The following SVOPL variants were observed in gnomAD, a reference collection of about 807,000 sequenced individuals.
SVOPL encodes the protein putative transporter SVOPL.
In SVOPL, 60 loss-of-function variants were observed where a neutral mutation model predicts 61.0. The observed-to-expected ratio is 0.98, with a 90% CI of 0.80 to 1.22. The LOEUF is 1.22. Among genes scored for constraint, SVOPL ranks in the 50% most tolerant of loss-of-function variants. The pLI is 0.00. For missense variants in SVOPL, 662 were observed against 643.9 expected (o/e 1.03, Z -0.30); for synonymous variants, 279 against 250.0 (o/e 1.12, Z -1.09).
chr7:138,641,173 G>A (rs764163317), intron 9 of SVOPL, among the ~76,000 whole-genome samples: 1 of 149,926 alleles, frequency 6.7e-6, no homozygotes, highest in African/African-American at 2.5e-5. Context: ...CACTCCAACC[G>A]AGGTGACAGA....
rs115548384 is a variant in SVOPL, at chr7:138,662,240, T to C, written c.345+834A>G. 2.9e-4 allele frequency: 281 copies of C among 985,480 alleles called. 1 individual carries two copies. In the African/African-American group the frequency reaches 4.5e-3, roughly 16 times the overall value. 61.0% of individuals were successfully genotyped at this position (985,480 alleles called of 1,614,324 possible). A position where few individuals can be genotyped will look rare whatever the true frequency, so the allele number is the denominator to read the frequency against. Reference sequence around the variant, plus strand: ...CTTAATGGTCTTGGCCATCCAGCACTAGTCATTTTACTTTTTCTTGTCCTA... The same window carrying C: ...CTTAATGGTCTTGGCCATCCAGCACCAGTCATTTTACTTTTTCTTGTCCTA... On this transcript the variant is annotated intron_variant, in intron 5 of 15. Coordinates refer to ENST00000674285, the MANE Select transcript of SVOPL (RefSeq NM_001139456.2).
chr7:138,638,272 C>CAAA (rs56000217), intron 9 of SVOPL, among the ~76,000 whole-genome samples: 5,088 of 95,470 alleles, frequency 0.053, 383 homozygotes, highest in African/African-American at 0.2. Context: ...GACTCCACCT[C>CAAA]AAAAAAAAAA....
At chr7:138,677,202 C>T (rs1252924681) in intron 3 of SVOPL, among the ~76,000 whole-genome samples, 3 of 152,156 alleles carry the variant, frequency 2.0e-5, no homozygotes, top group Non-Finnish European at 2.9e-5. Context: ...CTGCGCCCGG[C>T]CTCCTGCTCT....
chr7:138,596,577 T>C (rs1242868748), intron 14 of SVOPL, 47 bp from the exon 15 acceptor site: 1 of 1,591,858 alleles, frequency 6.3e-7, no homozygotes, highest in East Asian at 2.3e-5. Context: ...TCCAGTTACC[T>C]CTAAACTGTT....
intron 3 of SVOPL, among the ~76,000 whole-genome samples, chr7:138,674,086 G>A (rs1473303011): frequency 6.6e-6 from 1 of 151,870 alleles, no homozygotes; most frequent in Admixed American, 6.6e-5. Context: ...TACTCAGGAG[G>A]CTAAGGCAGG....
intron 14 of SVOPL, among the ~76,000 whole-genome samples, chr7:138,605,346 T>A (rs1398385445): frequency 1.3e-5 from 2 of 151,820 alleles, no homozygotes; most frequent in East Asian, 3.9e-4. Flanking sequence ...GAAAAGAAAA[T>A]TTTCCCATGT....
rs1477456716 is a variant in SVOPL, at chr7:138,627,434, T to C, written c.1097A>G (p.Asn366Ser). The C allele has an allele frequency of 1.2e-6, 2 of 1,613,588 alleles. No homozygotes were observed. The highest frequency in any genetic ancestry group is 1.7e-5 in the Admixed American group (1 of 59,976). ...ALNPLNILGI[N>S]FLGRRLSLSI... Reference sequence around the variant, plus strand: ...AAGGCTCAGCCGTCTTCCCAGGAAATTGATGCCCAGTATATTTAAAGGATT... The same window carrying C: ...AAGGCTCAGCCGTCTTCCCAGGAAACTGATGCCCAGTATATTTAAAGGATT... The change falls in exon 12 of 16, where the codon AAT (asparagine) becomes AGT (serine). Residue 366 changes from asparagine (N) to serine (S), a missense_variant. Asn to Ser is a conservative substitution (Grantham distance 46, BLOSUM62 1). Coordinates refer to ENST00000674285, the MANE Select transcript of SVOPL (RefSeq NM_001139456.2).
chr7:138,682,979 A>AAAG (rs1444758172), intron 1 of SVOPL, among the ~76,000 whole-genome samples: 19 of 150,888 alleles, frequency 1.3e-4, no homozygotes, highest in African/African-American at 4.7e-4. Context: ...AAAAAAAAAA[A>AAAG]AAAGAAAAAA....
At chr7:138,597,648 G>A (rs997250136) in intron 14 of SVOPL, among the ~76,000 whole-genome samples, 15 of 149,126 alleles carry the variant, frequency 1.0e-4, no homozygotes, top group Non-Finnish European at 2.0e-4. Flanking sequence ...CTGCGTGTGT[G>A]TGTGTGTGTG....
chr7:138,641,072 G>A lies in SVOPL; in HGVS notation c.789+3645C>T, dbSNP rs147371870. Among the ~76,000 whole-genome samples, 482 of 151,964 alleles carry A rather than the reference G, an allele frequency of 3.2e-3. 3 individuals carry two copies. The highest frequency in any genetic ancestry group is 0.011 in the African/African-American group (461 of 41,448). The stretch of plus-strand genomic sequence containing the variant: ...TTAAAAATTAGCTGGGTATGATGGC[G>A]CACACCTATGGTCCTAGCTATTCTG... On this transcript the variant is annotated intron_variant, in intron 9 of 15. Coordinates refer to ENST00000674285, the MANE Select transcript of SVOPL (RefSeq NM_001139456.2).
chr7:138,624,730 C>G (rs1244601800), intron 13 of SVOPL, among the ~76,000 whole-genome samples: 1 of 148,358 alleles, frequency 6.7e-6, no homozygotes, highest in Non-Finnish European at 1.5e-5. Context: ...CATGGTCTTA[C>G]TTTGCTGCCC....
At chr7:138,700,329 G>A (rs980520738) in intron 1 of SVOPL, among the ~76,000 whole-genome samples, 4 of 131,456 alleles carry the variant, frequency 3.0e-5, no homozygotes, top group Non-Finnish European at 4.8e-5. Flanking sequence ...CTTTGGTTCC[G>A]TATGTCTTTT....
chr7:138,637,463 T>TATATATATATATATAG (rs1554463004), intron 9 of SVOPL, among the ~76,000 whole-genome samples: 1 of 19,096 alleles, frequency 5.2e-5, no homozygotes, highest in South Asian at 2.3e-3. Context: ...TAGATATATA[T>TATATATATATATATAG]ATATAGATAT....
chr7:138,649,162 A>G (rs769405984), intron 7 of SVOPL, 25 bp from the exon 8 acceptor site: 4 of 1,576,496 alleles, frequency 2.5e-6, no homozygotes, highest in Non-Finnish European at 3.4e-6. Flanking sequence ...GTCCAGGATT[A>G]AAGTTCTTTG....
chr7:138,686,120 G>A (rs1802805148), intron 1 of SVOPL, among the ~76,000 whole-genome samples: 1 of 151,434 alleles, frequency 6.6e-6, no homozygotes, highest in South Asian at 2.1e-4. Context: ...TAGCCAGAGA[G>A]GGCCAGGTGC....
In SVOPL at chr7:138,628,242, C is replaced by T. The variant is rs200942722; in HGVS notation, c.985G>A (p.Glu329Lys). 192 of 1,614,184 alleles carry T rather than the reference C, an allele frequency of 1.2e-4. No homozygotes were observed. The African/African-American group carries it at 2.5e-3, about 21-fold the overall frequency. ...TGGCAGTAGCAGGGGCTCTGGCTCTCCCCTGAGTCCCCCCCAGTCACCACC... is the reference window on the plus strand; with the variant it reads ...TGGCAGTAGCAGGGGCTCTGGCTCTTCCCTGAGTCCCCCCCAGTCACCACC... ...AVVVTGGDSG[E>K]SQSPCYCHMF... The change falls in exon 11 of 16, where the codon GAG (glutamate) becomes AAG (lysine). Residue 329 changes from glutamate (E) to lysine (K), a missense_variant. Coordinates refer to ENST00000674285, the MANE Select transcript of SVOPL (RefSeq NM_001139456.2).
intron 14 of SVOPL, among the ~76,000 whole-genome samples, chr7:138,615,852 TAAAAAA>T (rs1799272876): frequency 7.0e-6 from 1 of 143,088 alleles, no homozygotes; most frequent in Non-Finnish European, 1.6e-5. Flanking sequence ...AAAAATTTTT[TAAAAAA>T]TAAAACAAAA....
intron 1 of SVOPL, among the ~76,000 whole-genome samples, chr7:138,695,376 G>C (rs1336930909): frequency 6.6e-6 from 1 of 152,146 alleles, no homozygotes; most frequent in African/African-American, 2.4e-5. Context: ...AGTGGGTGTG[G>C]TGGAGCCCAC....
chr7:138,648,754 T>A lies in SVOPL; in HGVS notation c.660+258A>T, dbSNP rs1309772030. Among the ~76,000 whole-genome samples, 2 of 147,258 alleles carry A rather than the reference T, an allele frequency of 1.4e-5. 1 individual carries two copies. Among genetic ancestry groups the A allele is most frequent in the East Asian group, 4.0e-4 (2 of 4,950 alleles). ...GCACTGCACTCCAGCCTGGGGAGAC[T>A]CCATCTCAAAAAAAAAAATTAGCTG... On this transcript the variant is annotated intron_variant, in intron 8 of 15. Coordinates refer to ENST00000674285, the MANE Select transcript of SVOPL (RefSeq NM_001139456.2).
Sources: gnomAD v4.1 joint callset for allele counts (sites outside exome capture counted in the v4.1 genomes callset) on GRCh38, gnomAD v4.1.1 for gene constraint, MANE v1.5 for transcripts, NCBI Gene and HGNC (gene_info 2026-07-23, HGNC 2026-07-21) for gene names.